The following CHRNB1 variants were observed in gnomAD, a reference collection of about 807,000 sequenced individuals.
The protein encoded by CHRNB1 is acetylcholine receptor subunit beta.
Under a neutral mutation model 53.8 loss-of-function variants are expected in CHRNB1, and 47 were observed. The observed-to-expected ratio is 0.87, with a 90% confidence interval of 0.69 to 1.11. CHRNB1 has a LOEUF of 1.11. CHRNB1 is among the 50% of genes most tolerant of loss of function. The pLI is 0.00. For synonymous variants in CHRNB1, 259 were observed against 263.5 expected (o/e 0.98, Z 0.16); for missense variants, 605 against 654.9 (o/e 0.92, Z 0.83).
At chr17:7,446,228 C>T in intron 3 of CHRNB1, 115 bp downstream of exon 3, 1 of 926,848 alleles carries the variant, frequency 1.1e-6, no homozygotes, top group Non-Finnish European at 1.8e-6. Context: ...ACGTTTATAA[C>T]TGAAGCAAAA....
chr17:7,447,646 C>A lies in CHRNB1; in HGVS notation c.606C>A (p.Phe202Leu). The A allele has an allele frequency of 6.2e-7, 1 of 1,614,194 alleles. No homozygotes were observed. Among genetic ancestry groups the A allele is most frequent in the African/African-American group, 1.3e-5 (1 of 75,044 alleles). ...HQEIHIHEGT[F>L]IENGQWEIIH... ...AAATCCACATTCATGAAGGGACTTT[C>A]ATTGGTGAGTAGGCATGGCTCCTAC... The change falls in exon 6 of 11, where the codon TTC becomes TTA. Residue 202 changes from phenylalanine (F) to leucine (L), a missense_variant. Physicochemically the swap from Phe to Leu is conservative, Grantham distance 22. Coordinates refer to ENST00000306071, the MANE Select transcript of CHRNB1 (RefSeq NM_000747.3).
In CHRNB1 at chr17:7,445,174, C is replaced by T. The variant is rs1260531078; in HGVS notation, c.47C>T (p.Pro16Leu). The T allele has an allele frequency of 5.0e-6, 8 of 1,609,400 alleles. No homozygotes were observed. Among genetic ancestry groups the T allele is most frequent in the Non-Finnish European group, 6.8e-6 (8 of 1,179,264 alleles). The change falls in exon 1 of 11, where the codon CCG becomes CTG. Residue 16 changes from proline to leucine, a missense_variant. Transcript: ENST00000306071. The surrounding 1 kb of genome is among the most constrained non-coding windows in gnomAD (Gnocchi z 5.7). ...ATGCTGCTGGGGGCGCTGGGGGCGCCGCTCGCCCCAGGTAAGTGTAGGCCC... is the reference window on the plus strand; with the variant it reads ...ATGCTGCTGGGGGCGCTGGGGGCGCTGCTCGCCCCAGGTAAGTGTAGGCCC... ...LLMLLGALGA[P>L]LAPGVRGSEA...
chr17:7,447,521 G>A lies in CHRNB1; in HGVS notation c.481G>A (p.Asp161Asn), dbSNP rs766657460. 2.2e-5 allele frequency: 35 copies of A among 1,613,944 alleles called. No individual in the cohort carries two copies. Among genetic ancestry groups the A allele is most frequent in the Non-Finnish European group, 1.9e-5 (22 of 1,180,048 alleles). The change falls in exon 6 of 11, where the codon GAC becomes AAC. Residue 161 changes from aspartate (D) to asparagine (N), a missense_variant. Coordinates refer to ENST00000306071, the MANE Select transcript of CHRNB1 (RefSeq NM_000747.3). ...CSIQVTYFPF[D>N]WQNCTMVFSS... is the part of the protein sequence containing the mutation. ...CATCCAGGTCACCTACTTCCCCTTCGACTGGCAGAATTGCACTATGGTGTT... is the reference window on the plus strand; with the variant it reads ...CATCCAGGTCACCTACTTCCCCTTCAACTGGCAGAATTGCACTATGGTGTT...
intron 3 of CHRNB1, chr17:7,446,317 G>GTGTC (rs1226892222): frequency 4.5e-5 from 17 of 379,260 alleles, no homozygotes; most frequent in Admixed American, 3.7e-4. Flanking sequence ...GTGTGTGTGT[G>GTGTC]TGTGTGTGTC....
intron 7 of CHRNB1, among the ~76,000 whole-genome samples, chr17:7,452,268 G>A (rs892536933): frequency 6.6e-6 from 1 of 152,060 alleles, no homozygotes; most frequent in African/African-American, 2.4e-5. Context: ...ATGTTGGCCA[G>A]GCTGGTCTCG....
chr17:7,450,163 A>G, intron 7 of CHRNB1, among the ~76,000 whole-genome samples: 1 of 142,454 alleles, frequency 7.0e-6, no homozygotes. Context: ...TTTTTTTTCG[A>G]GACAGAGTTT....
In CHRNB1 at chr17:7,456,767, G is replaced by C. The variant is rs2069957215; in HGVS notation, c.*44G>C. On this transcript the variant is annotated 3_prime_UTR_variant, in exon 11 of 11. Transcript: ENST00000306071. ...CCAGGCCCCCTGCCAGTTGAAGTGAGAGTTTGGTGATACTGTCAAGCCCTA... is the reference window on the plus strand; with the variant it reads ...CCAGGCCCCCTGCCAGTTGAAGTGACAGTTTGGTGATACTGTCAAGCCCTA... The C allele has an allele frequency of 1.2e-6, 2 of 1,612,734 alleles. No individual in the cohort carries two copies. Among genetic ancestry groups the C allele is most frequent in the Non-Finnish European group, 1.7e-6 (2 of 1,178,866 alleles).
At chr17:7,451,952 T>G (rs1461941759) in intron 7 of CHRNB1, among the ~76,000 whole-genome samples, 2 of 152,076 alleles carry the variant, frequency 1.3e-5, no homozygotes, top group Non-Finnish European at 2.9e-5. Flanking sequence ...ACCCCAGCCC[T>G]GGAAGCCCCC....
At position 7,456,930 on chromosome 17, in the gene CHRNB1, GGAT is replaced by G. The variant is rs2069958679; in HGVS notation, c.*208_*210del. The G allele has an allele frequency of 1.6e-6, 1 of 620,312 alleles. No homozygotes were observed. The highest frequency in any genetic ancestry group is 1.8e-5 in the African/African-American group (1 of 54,116). The allele number at this position is 620,312 out of a possible 1,614,324, so 38.4% of individuals were successfully genotyped here. ...GCAGTATCATCTGATTTACTCTTTG[GGAT>G]CTTGAAGAAGCTCTTTTGGGTATCA... On this transcript the variant is annotated 3_prime_UTR_variant, in exon 11 of 11. Coordinates refer to ENST00000306071, the MANE Select transcript of CHRNB1 (RefSeq NM_000747.3).
intron 8 of CHRNB1, among the ~76,000 whole-genome samples, 184 bp downstream of exon 8, chr17:7,454,704 C>T (rs933848395): frequency 1.3e-5 from 2 of 150,278 alleles, no homozygotes; most frequent in East Asian, 2.0e-4. Context: ...CTGCCCATCT[C>T]GGGTCCCAGG....
At chr17:7,454,762 C>T (rs911152948) in intron 8 of CHRNB1, among the ~76,000 whole-genome samples, 7 of 147,610 alleles carry the variant, frequency 4.7e-5, no homozygotes, top group African/African-American at 1.5e-4. Context: ...CCCTCTCTTT[C>T]CAGTTGGGAT....
chr17:7,455,991 C>T (rs1256319688), intron 10 of CHRNB1, 50 bp downstream of exon 10: 3 of 1,590,334 alleles, frequency 1.9e-6, no homozygotes, highest in South Asian at 1.1e-5. Flanking sequence ...ACCTTGGCCC[C>T]ACCCCCAAAT....
At position 7,446,791 on chromosome 17, in the gene CHRNB1, G is replaced by A. The variant is rs1160948869; in HGVS notation, c.244-42G>A. Reference sequence around the variant, plus strand: ...CCTTTGGAAATCCCAAGTCCCTCCCGGCCTCCAACCCGGGGCAGCCCCTCA... The same window carrying A: ...CCTTTGGAAATCCCAAGTCCCTCCCAGCCTCCAACCCGGGGCAGCCCCTCA... On this transcript the variant is annotated intron_variant, in intron 3 of 10. Transcript: ENST00000306071. 8 of 1,523,584 alleles carry A rather than the reference G, an allele frequency of 5.3e-6. No homozygotes were observed. In the South Asian group the frequency reaches 7.9e-5, roughly 15 times the overall value. The allele number at this position is 1,523,584 out of a possible 1,614,324, so 94.4% of individuals were successfully genotyped here. A position where few individuals can be genotyped will look rare whatever the true frequency, so the allele number is the denominator to read the frequency against.
rs1202472688 is a variant in CHRNB1, at chr17:7,455,690, G to A, written c.1218-104G>A. On this transcript the variant is annotated intron_variant, in intron 9 of 10. Transcript: ENST00000306071. ...GGAGGGAAAAGCATGATGGGCTCTC[G>A]GGTTTTGAGAACTGGCAAGTTGTTG... is the stretch of plus-strand genomic sequence containing the variant. 2.7e-6 allele frequency: 4 copies of A among 1,486,728 alleles called. No homozygotes were observed. The Admixed American group carries it at 6.7e-5, about 25-fold the overall frequency. 92.1% of individuals were successfully genotyped at this position (1,486,728 alleles called of 1,614,324 possible).
rs754354256 is a variant in CHRNB1, at chr17:7,445,318, C to G, written c.107C>G (p.Ser36Cys). The part of the protein sequence containing the change: ...AEGRLREKLF[S>C]GYDSSVRPAR... ...GGTCGACTCCGGGAGAAACTTTTCTCTGGCTATGATAGCTCCGTGCGGCCA... is the reference window on the plus strand; with the variant it reads ...GGTCGACTCCGGGAGAAACTTTTCTGTGGCTATGATAGCTCCGTGCGGCCA... The change falls in exon 2 of 11, where the codon TCT becomes TGT. Residue 36 changes from serine (S) to cysteine (C), a missense_variant. By Grantham distance (112) the Ser-to-Cys change is moderately radical. Coordinates refer to ENST00000306071, the MANE Select transcript of CHRNB1 (RefSeq NM_000747.3). The surrounding 1 kb of genome is among the most constrained non-coding windows in gnomAD (Gnocchi z 5.7). 4.3e-6 allele frequency: 7 copies of G among 1,613,050 alleles called. No homozygotes were observed. The East Asian group carries it at 1.6e-4, about 36-fold the overall frequency.
chr17:7,447,570 C>T lies in CHRNB1; in HGVS notation c.530C>T (p.Ser177Leu), dbSNP rs760659917. Residue 177 changes from serine to leucine, a missense_variant, in exon 6 of 11, where the codon TCG (serine) becomes TTG (leucine). Coordinates refer to ENST00000306071, the MANE Select transcript of CHRNB1 (RefSeq NM_000747.3). Reference protein sequence around the residue: ...MVFSSYSYDSSEVSLQTGLGP... With the variant: ...MVFSSYSYDSLEVSLQTGLGP... Reference sequence around the variant, plus strand: ...TTCAGCTCCTACAGCTACGACAGCTCGGAGGTCAGCCTGCAGACAGGCCTG... The same window carrying T: ...TTCAGCTCCTACAGCTACGACAGCTTGGAGGTCAGCCTGCAGACAGGCCTG... 1.1e-5 allele frequency: 17 copies of T among 1,614,032 alleles called. No homozygotes were observed. The highest frequency in any genetic ancestry group is 1.4e-5 in the Non-Finnish European group (16 of 1,180,034).
chr17:7,455,556 G>A (rs2069941031), intron 9 of CHRNB1, 100 bp downstream of exon 9: 1 of 1,448,170 alleles, frequency 6.9e-7, no homozygotes, highest in Non-Finnish European at 9.7e-7. Context: ...AAGACGCTGT[G>A]GTTGAGCATC....
chr17:7,446,134 G>A, intron 3 of CHRNB1, 21 bp downstream of exon 3: 1 of 1,606,884 alleles, frequency 6.2e-7, no homozygotes, highest in Non-Finnish European at 8.5e-7. Flanking sequence ...CCCACGGGGT[G>A]GGAAAGGGCT....
intron 7 of CHRNB1, 120 bp downstream of exon 7, chr17:7,448,908 C>T (rs373113637): frequency 3.7e-6 from 4 of 1,068,652 alleles, no homozygotes; most frequent in Non-Finnish European, 5.6e-6. Context: ...TTCAGCAATC[C>T]CGCCCAGGCT....
Sources: allele counts gnomAD v4.1 joint callset (sites outside exome capture counted in the v4.1 genomes callset), GRCh38; gene constraint gnomAD v4.1.1; non-coding constraint Gnocchi (gnomAD v3.1); transcripts MANE v1.5; gene names NCBI Gene and HGNC (gene_info 2026-07-23, HGNC 2026-07-21).